Variants in UMAD1 observed in about 807,000 individuals in gnomAD.
UMAD1 encodes UBAP1-MVB12-associated (UMA)-domain containing protein 1.
In UMAD1, 8 loss-of-function variants were observed where a neutral mutation model predicts 6.1. That is an observed-to-expected ratio of 1.30 (90% CI 0.76 to 2.35). UMAD1 has a LOEUF of 2.35. UMAD1 is among the 30% of genes most tolerant of loss of function. UMAD1 has a pLI of 0.00. For missense variants in UMAD1, 130 were observed against 78.4 expected (o/e 1.66, Z -2.49); for synonymous variants, 56 against 31.4 (o/e 1.78, Z -2.61).
intron 2 of UMAD1, among the ~76,000 whole-genome samples, chr7:7,770,397 C>T (rs562675893): frequency 9.9e-5 from 15 of 152,184 alleles, no homozygotes; most frequent in East Asian, 1.9e-4. Context: ...CCCTTTCCTT[C>T]CATCTTATAA....
intron 3 of UMAD1, among the ~76,000 whole-genome samples, chr7:7,816,761 G>A (rs1783135290): frequency 6.6e-6 from 1 of 152,034 alleles, no homozygotes; most frequent in Non-Finnish European, 1.5e-5. Context: ...ACCTCCTCTG[G>A]CTACCTTGCT....
chr7:7,858,048 T>C (rs1784051813), intron 3 of UMAD1, among the ~76,000 whole-genome samples: 1 of 152,228 alleles, frequency 6.6e-6, no homozygotes, highest in Non-Finnish European at 1.5e-5. Flanking sequence ...TTCTCTGTAC[T>C]TCAGTATTCC....
intron 2 of UMAD1, among the ~76,000 whole-genome samples, chr7:7,760,709 G>C (rs970715518): frequency 6.6e-6 from 1 of 152,152 alleles, no homozygotes; most frequent in Non-Finnish European, 1.5e-5. Flanking sequence ...ATGTAAGGTA[G>C]AGAGTAATTA....
intron 2 of UMAD1, among the ~76,000 whole-genome samples, chr7:7,780,683 A>G (rs932179138): frequency 1.3e-5 from 2 of 152,184 alleles, no homozygotes; most frequent in African/African-American, 4.8e-5. Context: ...ATTGTTTTAC[A>G]TATATGAAAT....
At chr7:7,821,884 T>C (rs1783248167) in intron 3 of UMAD1, among the ~76,000 whole-genome samples, 2 of 152,190 alleles carry the variant, frequency 1.3e-5, no homozygotes, top group African/African-American at 2.4e-5. Flanking sequence ...CATGTTTTAC[T>C]ATATCCCATA....
chr7:7,781,743 G>A (rs1168511519), intron 2 of UMAD1, among the ~76,000 whole-genome samples: 1 of 151,778 alleles, frequency 6.6e-6, no homozygotes, highest in Non-Finnish European at 1.5e-5. Flanking sequence ...ATCCTTTTTA[G>A]CAAGCTCTTA....
At chr7:7,721,609 A>G (rs1781051065) in intron 2 of UMAD1, among the ~76,000 whole-genome samples, 1 of 152,178 alleles carries the variant, frequency 6.6e-6, no homozygotes, top group Non-Finnish European at 1.5e-5. Flanking sequence ...CTTCTACTGG[A>G]ATGAAAACTC....
intron 2 of UMAD1, among the ~76,000 whole-genome samples, chr7:7,678,549 A>G (rs1198267829): frequency 1.4e-5 from 2 of 138,412 alleles, no homozygotes; most frequent in Non-Finnish European, 3.1e-5. Flanking sequence ...TTATAGATAA[A>G]TATATATTTA....
At chr7:7,692,594 A>C (rs905246886) in intron 2 of UMAD1, 3 of 152,138 alleles carry the variant, frequency 2.0e-5, no homozygotes, top group Non-Finnish European at 4.4e-5. Context: ...TCATCAAAAC[A>C]CAAGCAAATG....
At chr7:7,686,807 A>G (rs774590562) in intron 2 of UMAD1, among the ~76,000 whole-genome samples, 34 of 152,190 alleles carry the variant, frequency 2.2e-4, no homozygotes, top group Non-Finnish European at 8.8e-5. Context: ...TTTCTGGCCA[A>G]TGGGATATAA....
chr7:7,803,334 G>A (rs943864702), intron 3 of UMAD1, among the ~76,000 whole-genome samples: 1 of 152,192 alleles, frequency 6.6e-6, no homozygotes, highest in Non-Finnish European at 1.5e-5. Flanking sequence ...AATTAGCTGA[G>A]TGTGGTGGCA....
At chr7:7,706,858 A>G (rs972709085) in intron 2 of UMAD1, among the ~76,000 whole-genome samples, 1 of 152,164 alleles carries the variant, frequency 6.6e-6, no homozygotes, top group Non-Finnish European at 1.5e-5. Flanking sequence ...ATCTTGACTT[A>G]CTTAGATTTA....
rs1049955747 is a variant in UMAD1 at position 7,878,096 on chromosome 7, A to G, written c.*558A>G. 1.3e-5 allele frequency: 2 copies of G among 154,300 alleles called. No homozygotes were observed. The highest frequency in any genetic ancestry group is 4.8e-5 in the African/African-American group (2 of 41,474). The allele number at this position is 154,300 out of a possible 1,614,324, so 9.6% of individuals were successfully genotyped here. On this transcript the variant is annotated 3_prime_UTR_variant, in exon 4 of 4. Transcript: ENST00000682710. The stretch of plus-strand genomic sequence containing the variant: ...GCTAGTTTGCTGATACAAGGATGCT[A>G]GACCTGCTCTGCGTGCTCTTTCTGG...
At chr7:7,852,096 C>T (rs1783926653) in intron 3 of UMAD1, among the ~76,000 whole-genome samples, 1 of 152,078 alleles carries the variant, frequency 6.6e-6, no homozygotes, top group African/African-American at 2.4e-5. Context: ...TGTGACTATC[C>T]AGTTGTCCCA....
chr7:7,867,633 G>A (rs6943155), intron 3 of UMAD1, among the ~76,000 whole-genome samples: 1 of 152,162 alleles, frequency 6.6e-6, no homozygotes, highest in Non-Finnish European at 1.5e-5. Context: ...AGCAGACTCA[G>A]TAGAGGGGTG....
At chr7:7,768,992 A>G (rs779959202) in intron 2 of UMAD1, among the ~76,000 whole-genome samples, 1 of 152,222 alleles carries the variant, frequency 6.6e-6, no homozygotes, top group African/African-American at 2.4e-5. Context: ...GGAGGGGGCT[A>G]GAATGAGTGG....
intron 3 of UMAD1, among the ~76,000 whole-genome samples, chr7:7,834,510 A>G (rs940073700): frequency 6.6e-6 from 1 of 152,110 alleles, no homozygotes; most frequent in Non-Finnish European, 1.5e-5. Flanking sequence ...TATTTTTCTC[A>G]TGGTTCTGGA....
chr7:7,730,156 T>C (rs1157825581), intron 2 of UMAD1, among the ~76,000 whole-genome samples: 2 of 152,274 alleles, frequency 1.3e-5, no homozygotes, highest in East Asian at 1.9e-4. Flanking sequence ...TCCAGTTATG[T>C]GAGCTGTCAG....
At chr7:7,767,878 T>C (rs1400738728) in intron 2 of UMAD1, among the ~76,000 whole-genome samples, 1 of 152,212 alleles carries the variant, frequency 6.6e-6, no homozygotes, top group Non-Finnish European at 1.5e-5. Flanking sequence ...CTGCCTTATA[T>C]CCTTAAATAC....
Sources: allele counts gnomAD v4.1 joint callset (sites outside exome capture counted in the v4.1 genomes callset), GRCh38; gene constraint gnomAD v4.1.1; transcripts MANE v1.5; gene names NCBI Gene and HGNC (gene_info 2026-07-23, HGNC 2026-07-21).